SLC14A2: variants seen among roughly 807,000 people sequenced by gnomAD.
SLC14A2 encodes urea transporter 2.
Under a neutral mutation model 104.6 loss-of-function variants are expected in SLC14A2, and 91 were observed. The ratio of observed to expected loss-of-function variants is 0.87; its 90% CI spans 0.73 to 1.04. The LOEUF is 1.04. Ranked by LOEUF, SLC14A2 falls within the 50% of genes least tolerant of loss-of-function variation. The probability of loss-of-function intolerance (pLI) is 0.00; values close to 1 mark genes in which losing one functional copy is unlikely to be tolerated. For missense variants in SLC14A2, 1,189 were observed against 1,156.0 expected (o/e 1.03, Z -0.41); for synonymous variants, 476 against 466.4 (o/e 1.02, Z -0.27).
chr18:45,347,399 C>G (rs2085460179), intron 1 of SLC14A2, among the ~76,000 whole-genome samples: 1 of 152,178 alleles, frequency 6.6e-6, no homozygotes, highest in Non-Finnish European at 1.5e-5. Context: ...CTTTTACCTA[C>G]CTGACATTGA....
In SLC14A2 at chr18:45,299,130, C is replaced by G. The variant is rs533204209; in HGVS notation, c.-125+85939C>G. ...TGGGTTCTGAATAGGCAATGTTCACCGGAAGATAGCTCAGCTCCTAATACA... is the reference window on the plus strand; with the variant it reads ...TGGGTTCTGAATAGGCAATGTTCACGGGAAGATAGCTCAGCTCCTAATACA... On this transcript the variant is annotated intron_variant, in intron 1 of 20. Transcript: ENST00000586448. 5.9e-5 allele frequency among the ~76,000 whole-genome samples: 9 copies of G among 152,314 alleles called. No homozygotes were observed. The South Asian group carries it at 6.2e-4, about 11-fold the overall frequency.
At chr18:45,671,537 G>A (rs1568004144) in intron 16 of SLC14A2, among the ~76,000 whole-genome samples, 1 of 152,022 alleles carries the variant, frequency 6.6e-6, no homozygotes, top group African/African-American at 2.4e-5. Flanking sequence ...GGGTGCAACT[G>A]GCTGAGGACA....
chr18:45,630,370 CT>C (rs1278458440), intron 4 of SLC14A2, among the ~76,000 whole-genome samples: 1 of 152,176 alleles, frequency 6.6e-6, no homozygotes, highest in Admixed American at 6.5e-5. Context: ...CCCCACTACC[CT>C]TTAATCACCC....
chr18:45,502,016 G>A (rs762336291), intron 2 of SLC14A2, among the ~76,000 whole-genome samples: 39 of 149,272 alleles, frequency 2.6e-4, no homozygotes, highest in Admixed American at 7.2e-4. Context: ...TTTTTCACAG[G>A]GCTTAGAGGA....
chr18:45,444,735 C>T (rs961849070), intron 1 of SLC14A2, among the ~76,000 whole-genome samples: 4 of 152,192 alleles, frequency 2.6e-5, no homozygotes, highest in Admixed American at 2.6e-4. Flanking sequence ...GCCATCATCT[C>T]TTTAAAAGTG....
chr18:45,620,435 A>T (rs1329686614), intron 1 of SLC14A2, among the ~76,000 whole-genome samples: 1 of 152,250 alleles, frequency 6.6e-6, no homozygotes, highest in Non-Finnish European at 1.5e-5. Flanking sequence ...TTTCAAGGAC[A>T]TGATTTATCT....
intron 2 of SLC14A2, among the ~76,000 whole-genome samples, chr18:45,565,161 G>A (rs563671573): frequency 2.7e-5 from 4 of 147,732 alleles, no homozygotes; most frequent in Non-Finnish European, 5.9e-5. Context: ...GTCTTGCTCT[G>A]TCGCCCAGGC....
At chr18:45,587,893 A>G (rs2044591473) in intron 2 of SLC14A2, among the ~76,000 whole-genome samples, 1 of 152,142 alleles carries the variant, frequency 6.6e-6, no homozygotes, top group Non-Finnish European at 1.5e-5. Flanking sequence ...CCTCATAGCC[A>G]TCCTAGAAGT....
intron 1 of SLC14A2, among the ~76,000 whole-genome samples, chr18:45,440,061 G>A (rs1321133339): frequency 1.3e-5 from 2 of 152,058 alleles, no homozygotes; most frequent in African/African-American, 4.8e-5. Flanking sequence ...GTGGTTCACC[G>A]GAAGCTAAAA....
In SLC14A2 at chr18:45,422,468, A is replaced by G. The variant is rs142750054; in HGVS notation, c.-124-60765A>G. 9.2e-3 allele frequency among the ~76,000 whole-genome samples: 1,396 copies of G among 152,290 alleles called. 22 individuals are homozygous for G. Among genetic ancestry groups the G allele is most frequent in the South Asian group, 0.081 (389 of 4,818 alleles). On this transcript the variant is annotated intron_variant, in intron 1 of 20. Coordinates refer to the SLC14A2 transcript ENST00000586448. ...AACATGGAAAAGGGAACCAGGGTGC[A>G]TGAGGAAGTGAGGAACACAGATTTA...
chr18:45,374,856 C>T (rs1391347841), intron 1 of SLC14A2, among the ~76,000 whole-genome samples: 1 of 152,180 alleles, frequency 6.6e-6, no homozygotes, highest in African/African-American at 2.4e-5. Context: ...AAACAAAAAG[C>T]ATCTGATCCC....
chr18:45,367,091 G>T (rs1202467305), intron 1 of SLC14A2, among the ~76,000 whole-genome samples: 1 of 152,186 alleles, frequency 6.6e-6, no homozygotes, highest in Non-Finnish European at 1.5e-5. Flanking sequence ...CTTTGATCTG[G>T]AATTGTCAGT....
intron 1 of SLC14A2, among the ~76,000 whole-genome samples, chr18:45,371,684 C>T (rs1213350601): frequency 6.6e-6 from 1 of 152,182 alleles, no homozygotes; most frequent in East Asian, 1.9e-4. Context: ...TGCTTACTAA[C>T]TCTCTCCTGA....
chr18:45,468,036 G>T (rs1195060625), intron 1 of SLC14A2, among the ~76,000 whole-genome samples: 2 of 152,090 alleles, frequency 1.3e-5, no homozygotes, highest in African/African-American at 4.8e-5. Flanking sequence ...TCCTCTACCA[G>T]CCACCACCCC....
At chr18:45,247,324 T>C (rs183118742) in intron 1 of SLC14A2, among the ~76,000 whole-genome samples, 280 of 152,320 alleles carry the variant, frequency 1.8e-3, no homozygotes, top group South Asian at 3.5e-3. Flanking sequence ...GTATAAAAAG[T>C]TATATAAGTT....
chr18:45,596,446 C>T (rs1208426420), intron 2 of SLC14A2, among the ~76,000 whole-genome samples: 1 of 152,142 alleles, frequency 6.6e-6, no homozygotes, highest in Non-Finnish European at 1.5e-5. Context: ...CCAGAATGGG[C>T]ATTTCCTGTG....
At chr18:45,548,880 T>G (rs1347352159) in intron 2 of SLC14A2, among the ~76,000 whole-genome samples, 3 of 152,188 alleles carry the variant, frequency 2.0e-5, no homozygotes, top group Middle Eastern at 3.2e-3. Context: ...GTAATCTAGA[T>G]GCAGCCAAGT....
At chr18:45,411,588 A>G (rs1247095095) in intron 1 of SLC14A2, among the ~76,000 whole-genome samples, 1 of 152,140 alleles carries the variant, frequency 6.6e-6, no homozygotes, top group Non-Finnish European at 1.5e-5. Context: ...TATCCACTCA[A>G]CATTCACCCA....
chr18:45,423,174 C>T (rs978099749), intron 1 of SLC14A2, among the ~76,000 whole-genome samples: 6 of 152,282 alleles, frequency 3.9e-5, no homozygotes, highest in East Asian at 1.9e-4. Flanking sequence ...ATTTATTTTC[C>T]GCTCAGGCTC....
Sources: allele counts gnomAD v4.1 joint callset (sites outside exome capture counted in the v4.1 genomes callset), GRCh38; gene constraint gnomAD v4.1.1; transcripts MANE v1.5; gene names NCBI Gene and HGNC (gene_info 2026-07-23, HGNC 2026-07-21).